The following TSHZ3 variants were observed in gnomAD, a reference collection of about 807,000 sequenced individuals.
TSHZ3 encodes the protein teashirt homolog 3.
Under a neutral mutation model 64.5 loss-of-function variants are expected in TSHZ3, and 10 were observed. The observed-to-expected ratio is 0.16, with a 90% CI of 0.10 to 0.26. TSHZ3 has a LOEUF of 0.26. Ranked by LOEUF, TSHZ3 falls within the 10% of genes least tolerant of loss-of-function variation. The pLI is 1.00. For missense variants in TSHZ3, 1,242 were observed against 1,421.7 expected, an observed-to-expected ratio of 0.87 and a Z score of 2.03; for synonymous variants, 608 against 593.1, an observed-to-expected ratio of 1.03 and a Z score of -0.36.
intron 1 of TSHZ3, among the ~76,000 whole-genome samples, chr19:31,293,962 C>T (rs559167237): frequency 9.2e-5 from 14 of 152,294 alleles, no homozygotes; most frequent in Non-Finnish European, 1.3e-4. Flanking sequence ...AGAAGTCCCA[C>T]GTGCTCTCTG....
chr19:31,168,715 T>G (rs1326815701), intron 5 of TSHZ3, among the ~76,000 whole-genome samples: 1 of 152,166 alleles, frequency 6.6e-6, no homozygotes, highest in Non-Finnish European at 1.5e-5. Flanking sequence ...GAAAAGCCAA[T>G]GTCTTTCATT....
chr19:31,301,886 G>A (rs542082274), intron 1 of TSHZ3, among the ~76,000 whole-genome samples: 1 of 152,202 alleles, frequency 6.6e-6, no homozygotes, highest in African/African-American at 2.4e-5. Flanking sequence ...GTCCACAGGT[G>A]GAGACACTGT....
At chr19:31,156,950 C>T (rs766310905) in intron 5 of TSHZ3, among the ~76,000 whole-genome samples, 2 of 152,094 alleles carry the variant, frequency 1.3e-5, no homozygotes, top group Non-Finnish European at 2.9e-5. Flanking sequence ...TGTGACCAGG[C>T]CCAGGAGTCC....
chr19:31,286,121 C>A (rs1364235434), intron 1 of TSHZ3, among the ~76,000 whole-genome samples: 2 of 152,200 alleles, frequency 1.3e-5, no homozygotes, highest in East Asian at 3.9e-4. Context: ...CGCTTCCCCA[C>A]ACACATCTCA....
At chr19:31,200,409 G>A (rs530990156) in intron 5 of TSHZ3, among the ~76,000 whole-genome samples, 23 of 152,210 alleles carry the variant, frequency 1.5e-4, no homozygotes, top group African/African-American at 5.1e-4. Flanking sequence ...AAAGAAATGA[G>A]CTACTAAGCC....
chr19:31,226,483 A>G (rs1009428586), intron 4 of TSHZ3, among the ~76,000 whole-genome samples: 3 of 152,108 alleles, frequency 2.0e-5, no homozygotes, highest in Non-Finnish European at 4.4e-5. Flanking sequence ...GCCTTTTGCC[A>G]TGATTGTGAG....
intron 1 of TSHZ3, among the ~76,000 whole-genome samples, chr19:31,345,870 T>C (rs756347473): frequency 2.6e-5 from 4 of 152,142 alleles, no homozygotes; most frequent in Non-Finnish European, 5.9e-5. Context: ...CAGGGGATAA[T>C]GGTCATTTTG....
Position 31,277,726 on chromosome 19 carries a change from C to T in TSHZ3, c.2067G>A (p.Glu689=), listed in dbSNP as rs146715477. 857 of 1,521,798 alleles carry T rather than the reference C, an allele frequency of 5.6e-4. 2 individuals carry two copies. The highest frequency in any genetic ancestry group is 1.4e-3 in the Middle Eastern group (8 of 5,630). 94.3% of individuals were successfully genotyped at this position (1,521,798 alleles called of 1,614,324 possible). Residue 689 remains glutamate (E), a synonymous_variant, in exon 2 of 2, where the codon GAG becomes GAA. Coordinates refer to ENST00000240587, the MANE Select transcript of TSHZ3 (RefSeq NM_020856.4). The surrounding 1 kb of genome is among the most constrained non-coding windows in gnomAD (Gnocchi z 4.5). ...KDGSPLAEPV[E]NGKELVKPLA... ...GGGGCTTCACCAGCTCCTTGCCATT[C>T]TCCACCGGCTCAGCGAGGGGGCTCC...
intron 1 of TSHZ3, among the ~76,000 whole-genome samples, chr19:31,287,042 G>A (rs1191834039): frequency 1.3e-5 from 2 of 152,322 alleles, no homozygotes; most frequent in African/African-American, 2.4e-5. Flanking sequence ...TGGGCAAGGT[G>A]GAATTACTTT....
intron 1 of TSHZ3, among the ~76,000 whole-genome samples, chr19:31,288,858 A>C (rs1057410051): frequency 2.0e-5 from 3 of 152,134 alleles, no homozygotes; most frequent in Non-Finnish European, 4.4e-5. Flanking sequence ...CTGTTTCTGC[A>C]TTGGATTTTT....
At chr19:31,211,059 T>C (rs1389352159) in intron 4 of TSHZ3, among the ~76,000 whole-genome samples, 11 of 152,234 alleles carry the variant, frequency 7.2e-5, no homozygotes, top group Admixed American at 7.2e-4. Flanking sequence ...ATGGTGGAAT[T>C]TTATGGACAC....
At chr19:31,181,381 G>T (rs2145126890) in intron 5 of TSHZ3, among the ~76,000 whole-genome samples, 1 of 152,232 alleles carries the variant, frequency 6.6e-6, no homozygotes, top group Admixed American at 6.5e-5. Flanking sequence ...ATTACCAGGG[G>T]TCATGTTATC....
Position 31,279,689 on chromosome 19 carries a change from T to C in TSHZ3, c.104A>G (p.His35Arg), listed in dbSNP as rs1412804972. Reference protein sequence around the residue: ...LVDEGLDPEEHTADGEPSAKY... With the variant: ...LVDEGLDPEERTADGEPSAKY... ...GGCCGAGGGCTCTCCATCTGCCGTA[T>C]GCTCCTCTGGGTCTAAACCTTCGTC... Residue 35 changes from histidine to arginine, a missense_variant, in exon 2 of 2, where the codon CAT (histidine) becomes CGT (arginine). Physicochemically the swap from His to Arg is conservative, Grantham distance 29. This residue lies in a region of TSHZ3 where 555 missense variants were observed against 704.0 expected (regional missense o/e 0.79). Coordinates refer to ENST00000240587, the MANE Select transcript of TSHZ3 (RefSeq NM_020856.4). The surrounding 1 kb of genome is among the most constrained non-coding windows in gnomAD (Gnocchi z 6.4). The C allele has an allele frequency of 5.7e-6, 9 of 1,570,734 alleles. No individual in the cohort carries two copies. Among genetic ancestry groups the C allele is most frequent in the South Asian group, 1.2e-5 (1 of 84,172 alleles).
At chr19:31,256,167 C>T (rs561725146) in intron 1 of TSHZ3, among the ~76,000 whole-genome samples, 1 of 152,168 alleles carries the variant, frequency 6.6e-6, no homozygotes, top group African/African-American at 2.4e-5. Flanking sequence ...CCTCATAGGA[C>T]TGCTGCAGGA....
At chr19:31,338,975 G>A (rs546754588) in intron 1 of TSHZ3, among the ~76,000 whole-genome samples, 8 of 151,924 alleles carry the variant, frequency 5.3e-5, no homozygotes, top group African/African-American at 1.5e-4. Context: ...CAGCTTGTCC[G>A]ACTCTCAAGT....
At chr19:31,272,622 G>C (rs1364728894), downstream of TSHZ3, among the ~76,000 whole-genome samples, 25 of 152,146 alleles carry the variant, frequency 1.6e-4, no homozygotes, top group Non-Finnish European at 1.5e-5. Flanking sequence ...AATGTTGACT[G>C]CAGCGAATTG....
intron 3 of TSHZ3, among the ~76,000 whole-genome samples, chr19:31,230,765 T>C (rs911210551): frequency 2.2e-5 from 3 of 137,512 alleles, no homozygotes; most frequent in African/African-American, 8.2e-5. Flanking sequence ...AGTGGCCCAA[T>C]CTCGGCTCAC....
At position 31,256,723 on chromosome 19, in the gene TSHZ3, C is replaced by A. The variant is rs186025429; in HGVS notation, n.64-13848G>T. ...GAAGTGACGGCTCCTGACGGAGGGG[C>A]TTTCCCTGCACAGGGTCACTGCCCT... On this transcript the variant is annotated intron_variant and non_coding_transcript_variant, in intron 1 of 6. Transcript: ENST00000651361. Among the ~76,000 whole-genome samples the A allele has an allele frequency of 4.6e-3, 703 of 152,316 alleles. 2 individuals are homozygous for A. The highest frequency in any genetic ancestry group is 0.031 in the Middle Eastern group (9 of 292).
chr19:31,220,535 GTACTTGGGAC>G (rs1308596564), intron 4 of TSHZ3, among the ~76,000 whole-genome samples: 2 of 152,088 alleles, frequency 1.3e-5, no homozygotes, highest in African/African-American at 2.4e-5. Flanking sequence ...GAAATCAAGA[GTACTTGGGAC>G]TGTGATAGTT....
Sources: allele counts gnomAD v4.1 joint callset (sites outside exome capture counted in the v4.1 genomes callset), GRCh38; gene constraint gnomAD v4.1.1; regional missense constraint gnomAD v4.1.1; non-coding constraint Gnocchi (gnomAD v3.1); transcripts MANE v1.5; gene names NCBI Gene and HGNC (gene_info 2026-07-23, HGNC 2026-07-21).